HAS2: variants seen among roughly 807,000 people sequenced by gnomAD.
HAS2 encodes hyaluronan synthase 2.
Under a neutral mutation model 51.6 loss-of-function variants are expected in HAS2, and 16 were observed. The observed-to-expected ratio is 0.31, with a 90% CI of 0.21 to 0.47. HAS2 has a LOEUF of 0.47. Among genes scored for constraint, HAS2 ranks in the 20% least tolerant of loss-of-function variants. The probability of loss-of-function intolerance (pLI) is 1.00; values close to 1 mark genes in which losing one functional copy is unlikely to be tolerated. For synonymous variants in HAS2, 228 were observed against 235.5 expected (o/e 0.97, Z 0.29); for missense variants, 361 against 662.6 (o/e 0.54, Z 5.00).
chr8:121,636,625 T>G (rs1813013534), intron 1 of HAS2, among the ~76,000 whole-genome samples: 1 of 152,202 alleles, frequency 6.6e-6, no homozygotes, highest in African/African-American at 2.4e-5. Context: ...AGGATGTGTG[T>G]TCTTCCAACT....
chr8:121,637,570 T>C (rs1813027675), intron 1 of HAS2, among the ~76,000 whole-genome samples: 1 of 152,098 alleles, frequency 6.6e-6, no homozygotes, highest in Admixed American at 6.5e-5. Context: ...TTTGTATTTT[T>C]AGTAGAGACA....
chr8:121,631,223 C>T (rs1193025730), intron 1 of HAS2, among the ~76,000 whole-genome samples: 1 of 152,144 alleles, frequency 6.6e-6, no homozygotes, highest in Non-Finnish European at 1.5e-5. Context: ...AGGACTCTTA[C>T]GTTGGCACAA....
intron 1 of HAS2, among the ~76,000 whole-genome samples, chr8:121,629,705 T>A (rs923374495): frequency 1.7e-4 from 26 of 152,190 alleles, no homozygotes; most frequent in African/African-American, 6.3e-4. Context: ...ACCCTGAAGT[T>A]TCTAACACCC....
chr8:121,625,616 A>T (rs1812837374), intron 2 of HAS2, among the ~76,000 whole-genome samples: 1 of 151,022 alleles, frequency 6.6e-6, no homozygotes, highest in Admixed American at 6.6e-5. Context: ...GGCTCTAGCA[A>T]TCCTACCTCA....
At chr8:121,633,326 G>C (rs1202256244) in intron 1 of HAS2, among the ~76,000 whole-genome samples, 1 of 151,888 alleles carries the variant, frequency 6.6e-6, no homozygotes, top group Admixed American at 6.6e-5. Context: ...TTATATTTTA[G>C]TAGAGATGGG....
At chr8:121,623,263 T>C (rs1432905299) in intron 2 of HAS2, among the ~76,000 whole-genome samples, 2 of 152,168 alleles carry the variant, frequency 1.3e-5, no homozygotes, top group Non-Finnish European at 2.9e-5. Flanking sequence ...ATTTGGTTAT[T>C]CTCTTTTCCT....
At chr8:121,630,707 T>C (rs547343503) in intron 1 of HAS2, among the ~76,000 whole-genome samples, 1 of 152,252 alleles carries the variant, frequency 6.6e-6, no homozygotes, top group Non-Finnish European at 1.5e-5. Context: ...AAACTTAGAC[T>C]AAGCAATTAC....
Position 121,614,712 on chromosome 8 carries a change from G to A in HAS2, c.1056C>T (p.Thr352=). Residue 352 remains threonine, a synonymous_variant, in exon 4 of 4, where the codon ACC becomes ACT. Coordinates refer to ENST00000303924, the MANE Select transcript of HAS2 (RefSeq NM_005328.3). The surrounding 1 kb of genome is among the most constrained non-coding windows in gnomAD (Gnocchi z 7.2). The part of the protein sequence containing the change: ...IEYLRWLNQQ[T]RWSKSYFREW... ...CTCGGAAGTAGGACTTGCTCCAACG[G>A]GTCTGCTGGTTTAGCCATCTGAGAT... The A allele has an allele frequency of 6.2e-7, 1 of 1,614,114 alleles. No individual in the cohort carries two copies. The highest frequency in any genetic ancestry group is 8.5e-7 in the Non-Finnish European group (1 of 1,179,942).
intron 1 of HAS2, 35 bp from the exon 2 acceptor site, chr8:121,629,375 A>G (rs1391621073): frequency 2.6e-6 from 4 of 1,548,678 alleles, no homozygotes; most frequent in Non-Finnish European, 3.5e-6. Flanking sequence ...TTGGTTAACC[A>G]TGATTGTCCC....
At chr8:121,636,587 G>C (rs1813012790) in intron 1 of HAS2, among the ~76,000 whole-genome samples, 1 of 152,036 alleles carries the variant, frequency 6.6e-6, no homozygotes, top group South Asian at 2.1e-4. Context: ...CTTTTCCTTT[G>C]CACCATCTAT....
Position 121,630,063 on chromosome 8 carries a change from C to T in HAS2, c.1-723G>A, listed in dbSNP as rs1191609601. On this transcript the variant is annotated intron_variant, in intron 1 of 3. Transcript: ENST00000303924. ...ATCCCTAAGTACCCTGCATAGATGT[C>T]TATTAAAGCCCCGTAATTCTGAATT... Among the ~76,000 whole-genome samples the T allele has an allele frequency of 2.0e-5, 3 of 151,150 alleles. No homozygotes were observed. In the East Asian group the frequency reaches 5.8e-4, roughly 29 times the overall value.
In HAS2 at chr8:121,614,479, T is replaced by C. The variant is rs1007443720; in HGVS notation, c.1289A>G (p.Asn430Ser). 3.1e-6 allele frequency: 5 copies of C among 1,613,834 alleles called. No homozygotes were observed. The highest frequency in any genetic ancestry group is 1.3e-5 in the African/African-American group (1 of 74,918). The change falls in exon 4 of 4, where the codon AAT becomes AGT. Residue 430 changes from asparagine to serine, a missense_variant. Asn to Ser is a conservative substitution (Grantham distance 46). This residue lies in a region of HAS2 where 106 missense variants were observed against 241.0 expected (regional missense o/e 0.44). Transcript: ENST00000303924. The surrounding 1 kb of genome is among the most constrained non-coding windows in gnomAD (Gnocchi z 7.2). ...KSSFASCLRG[N>S]IVMVFMSLYS... ...GAGAGACATGAAGACCATGACGATA[T>C]TTCCTCTAAGGCAGCTGGCAAAAGA...
intron 2 of HAS2, among the ~76,000 whole-genome samples, chr8:121,623,558 T>A (rs1461300277): frequency 6.6e-6 from 1 of 152,158 alleles, no homozygotes; most frequent in East Asian, 1.9e-4. Flanking sequence ...AATTCTGATA[T>A]CCCTTTTTCT....
At chr8:121,635,564 C>T (rs1317044643) in intron 1 of HAS2, among the ~76,000 whole-genome samples, 1 of 152,180 alleles carries the variant, frequency 6.6e-6, no homozygotes, top group Non-Finnish European at 1.5e-5. Context: ...CAACCTGGCT[C>T]AGACAAACCG....
At chr8:121,619,552 A>G (rs1812748422) in intron 2 of HAS2, among the ~76,000 whole-genome samples, 1 of 152,132 alleles carries the variant, frequency 6.6e-6, no homozygotes, top group South Asian at 2.1e-4. Flanking sequence ...AAAAAAAATT[A>G]GGCAGAAGCT....
chr8:121,636,456 C>T (rs960581073), intron 1 of HAS2, among the ~76,000 whole-genome samples: 18 of 152,222 alleles, frequency 1.2e-4, no homozygotes, highest in South Asian at 6.2e-4. Context: ...TCTCTCCAGT[C>T]CCACTGCAGT....
chr8:121,639,941 G>A (rs1196503579), intron 1 of HAS2: 1 of 151,944 alleles, frequency 6.6e-6, no homozygotes, highest in African/African-American at 2.4e-5. Context: ...ATCTCCCACC[G>A]GGCAGTGTCC....
chr8:121,618,646 G>A (rs1347843291), intron 2 of HAS2, among the ~76,000 whole-genome samples: 1 of 152,110 alleles, frequency 6.6e-6, no homozygotes, highest in East Asian at 1.9e-4. Flanking sequence ...ATTATTTTCT[G>A]CTAAATGCAG....
In HAS2 at chr8:121,629,200, T is replaced by C; in HGVS notation, c.141A>G (p.Gly47=). 1 of 1,613,974 alleles carries C rather than the reference T, an allele frequency of 6.2e-7. No homozygotes were observed. The highest frequency in any genetic ancestry group is 2.2e-5 in the East Asian group (1 of 44,874). Residue 47 remains glycine, a synonymous_variant, in exon 2 of 4, where the codon GGA becomes GGG. Coordinates refer to ENST00000303924, the MANE Select transcript of HAS2 (RefSeq NM_005328.3). ...GTGATGCCAAAAAGGCACCATACAG[T>C]CCAAAAGAGAAATAGTAATTATCCG... is the stretch of plus-strand genomic sequence containing the variant. The part of the protein sequence containing the change: ...IQTDNYYFSF[G]LYGAFLASHL...
Sources: gnomAD v4.1 joint callset for allele counts (sites outside exome capture counted in the v4.1 genomes callset) on GRCh38, gnomAD v4.1.1 for gene constraint, gnomAD v4.1.1 regional missense constraint, Gnocchi (gnomAD v3.1) non-coding constraint, MANE v1.5 for transcripts, NCBI Gene and HGNC (gene_info 2026-07-23, HGNC 2026-07-21) for gene names.